The following TRIM55 variants were observed in gnomAD, a reference collection of about 807,000 sequenced individuals.
TRIM55 encodes the protein tripartite motif containing 55.
TRIM55 carries 50 observed loss-of-function variants against 60.9 expected under a neutral mutation model. The ratio of observed to expected loss-of-function variants is 0.82; its 90% CI spans 0.65 to 1.04. The LOEUF is 1.04. Ranked by LOEUF, TRIM55 falls within the 50% of genes least tolerant of loss-of-function variation. The pLI is 0.00. For synonymous variants in TRIM55, 237 were observed against 238.1 expected (o/e 1.00, Z 0.04); for missense variants, 681 against 666.9 (o/e 1.02, Z -0.23).
chr8:66,167,018 G>A (rs768029422), intron 9 of TRIM55, among the ~76,000 whole-genome samples: 2 of 152,126 alleles, frequency 1.3e-5, no homozygotes, highest in Admixed American at 6.5e-5. Context: ...AAATGAGGGC[G>A]AGCCGATCCT....
At chr8:66,126,251 T>A (rs1194340962), upstream of TRIM55, among the ~76,000 whole-genome samples, 1 of 152,224 alleles carries the variant, frequency 6.6e-6, no homozygotes, top group Non-Finnish European at 1.5e-5. Context: ...AAATAATAGA[T>A]CTGCCACCTC....
chr8:66,142,741 T>C (rs1563372982), intron 4 of TRIM55, among the ~76,000 whole-genome samples: 2 of 151,858 alleles, frequency 1.3e-5, no homozygotes, highest in Non-Finnish European at 2.9e-5. Context: ...CTGAATGGAG[T>C]TGTTTGCTGA....
In TRIM55 at chr8:66,164,961, GGAAGGAAGGAA is replaced by G. The variant is rs1811245342; in HGVS notation, c.1525-9508_1525-9498del. ...AGGAAGGAAGGAAGGAAGGAAGGAA[GGAAGGAAGGAA>G]GGAGGGGACTTATGGTTTAAATGGT... is the stretch of plus-strand genomic sequence containing the variant. On this transcript the variant is annotated intron_variant, in intron 9 of 9. Coordinates refer to ENST00000315962, the MANE Select transcript of TRIM55 (RefSeq NM_184085.2). Among the ~76,000 whole-genome samples, 11 of 151,540 alleles carry G rather than the reference GGAAGGAAGGAA, an allele frequency of 7.3e-5. No homozygotes were observed. The South Asian group carries it at 2.3e-3, about 32-fold the overall frequency.
chr8:66,123,096 G>T (rs146411010), upstream of TRIM55, among the ~76,000 whole-genome samples: 144 of 152,216 alleles, frequency 9.5e-4, 1 homozygote, highest in Non-Finnish European at 1.8e-3. Context: ...AAGGGCATTG[G>T]TCTTCACAAC....
At chr8:66,165,016 G>A (rs1811249543) in intron 9 of TRIM55, among the ~76,000 whole-genome samples, 2 of 152,136 alleles carry the variant, frequency 1.3e-5, no homozygotes, top group Admixed American at 1.3e-4. Flanking sequence ...CTGGTAGCGG[G>A]TAAGGGAGGA....
In TRIM55 at chr8:66,175,476, G is replaced by T. The variant is rs1346860031; in HGVS notation, c.*883G>T. 6.6e-6 allele frequency: 1 copy of T among 152,124 alleles called. No homozygotes were observed. Among genetic ancestry groups the T allele is most frequent in the Non-Finnish European group, 1.5e-5 (1 of 68,030 alleles). 9.4% of individuals were successfully genotyped at this position (152,124 alleles called of 1,614,324 possible). On this transcript the variant is annotated 3_prime_UTR_variant, in exon 10 of 10. Transcript: ENST00000315962. The stretch of plus-strand genomic sequence containing the variant: ...TTATATGAACTCTTAAATAAATGAT[G>T]TTTTTAAAAGCTTCGTCTTATAATG...
At chr8:66,156,546 T>C (rs1400224895) in intron 9 of TRIM55, among the ~76,000 whole-genome samples, 3 of 152,148 alleles carry the variant, frequency 2.0e-5, no homozygotes, top group Non-Finnish European at 4.4e-5. Flanking sequence ...CTCAGTTTAA[T>C]TAATAATATT....
the TRIM55 span, among the ~76,000 whole-genome samples, chr8:66,116,992 C>T: frequency 1.3e-5 from 2 of 152,184 alleles, no homozygotes; most frequent in African/African-American, 4.8e-5. Flanking sequence ...GAATACAAGA[C>T]TGGCTCAACA....
upstream of TRIM55, among the ~76,000 whole-genome samples, chr8:66,123,048 T>C (rs752010944): frequency 6.6e-6 from 1 of 152,234 alleles, no homozygotes; most frequent in Non-Finnish European, 1.5e-5. Context: ...TAACTTCTAT[T>C]CTCTCTGAAG....
the TRIM55 span, among the ~76,000 whole-genome samples, chr8:66,119,698 T>C: frequency 6.6e-6 from 1 of 152,232 alleles, no homozygotes; most frequent in Non-Finnish European, 1.5e-5. Context: ...CAAAAGACGG[T>C]GACCCAGTTC....
At chr8:66,169,425 TA>T (rs1276932201) in intron 9 of TRIM55, among the ~76,000 whole-genome samples, 2 of 152,076 alleles carry the variant, frequency 1.3e-5, no homozygotes, top group Admixed American at 6.6e-5. Flanking sequence ...ACTTTGGCTT[TA>T]AAAAAAATCA....
chr8:66,156,427 T>G (rs10104916), intron 9 of TRIM55, among the ~76,000 whole-genome samples: 35,130 of 152,118 alleles, frequency 0.23, 8,144 homozygotes, highest in African/African-American at 0.6. Flanking sequence ...AGCAGTCCAT[T>G]TATATTATTT....
At chr8:66,130,795 G>A (rs57928255) in intron 2 of TRIM55, among the ~76,000 whole-genome samples, 11,312 of 151,742 alleles carry the variant, frequency 0.075, 655 homozygotes, top group African/African-American at 0.17. Flanking sequence ...CAAGTAGCTG[G>A]GACTACAGGC....
intron 4 of TRIM55, among the ~76,000 whole-genome samples, chr8:66,144,095 A>G (rs1809973706): frequency 6.6e-6 from 1 of 152,230 alleles, no homozygotes; most frequent in African/African-American, 2.4e-5. Context: ...GTGGCTAGAA[A>G]TTGGAGTCTG....
intron 4 of TRIM55, among the ~76,000 whole-genome samples, chr8:66,148,395 T>C (rs373952245): frequency 1.3e-5 from 2 of 152,286 alleles, no homozygotes; most frequent in African/African-American, 2.4e-5. Context: ...ATTGGATAAA[T>C]AGAGGATCTG....
chr8:66,149,825 G>A lies in TRIM55; in HGVS notation c.784G>A (p.Val262Ile). 1.2e-6 allele frequency: 2 copies of A among 1,614,186 alleles called. No individual in the cohort carries two copies. Among genetic ancestry groups the A allele is most frequent in the South Asian group, 2.2e-5 (2 of 91,082 alleles). The stretch of plus-strand genomic sequence containing the variant: ...TCATTTGGAGAACGTCTCAAAGTTG[G>A]TTGAGTCAGGAATTCAGTTTATGGA... ...SDHLENVSKL[V>I]ESGIQFMDEP... Residue 262 changes from valine (V) to isoleucine (I), a missense_variant, in exon 5 of 10, where the codon GTT (valine) becomes ATT (isoleucine). Coordinates refer to ENST00000315962, the MANE Select transcript of TRIM55 (RefSeq NM_184085.2).
intron 9 of TRIM55, among the ~76,000 whole-genome samples, chr8:66,171,426 GTTC>G (rs1811625535): frequency 6.6e-6 from 1 of 152,108 alleles, no homozygotes; most frequent in Non-Finnish European, 1.5e-5. Context: ...ACATGATCTT[GTTC>G]TTTTTTATGT....
At chr8:66,141,078 A>G (rs1809785944) in intron 4 of TRIM55, among the ~76,000 whole-genome samples, 1 of 152,164 alleles carries the variant, frequency 6.6e-6, no homozygotes, top group African/African-American at 2.4e-5. Flanking sequence ...AATGTCACAC[A>G]GGACTGGCCT....
chr8:66,114,164 C>A, the TRIM55 span, among the ~76,000 whole-genome samples: 1 of 146,872 alleles, frequency 6.8e-6, no homozygotes, highest in Non-Finnish European at 1.5e-5. Context: ...TCTAAAGGAA[C>A]AGATAATAAG....
Sources: gnomAD v4.1 joint callset for allele counts (sites outside exome capture counted in the v4.1 genomes callset) on GRCh38, gnomAD v4.1.1 for gene constraint, MANE v1.5 for transcripts, NCBI Gene and HGNC (gene_info 2026-07-23, HGNC 2026-07-21) for gene names.